The following ZNF75D variants were observed in gnomAD, a reference collection of about 807,000 sequenced individuals.
ZNF75D encodes the protein zinc finger protein 75.
A neutral mutation model predicts 33.3 loss-of-function variants in ZNF75D; 33 were observed. The ratio of observed to expected loss-of-function variants is 0.99; its 90% confidence interval spans 0.75 to 1.32. The LOEUF (loss-of-function observed/expected upper bound fraction) is 1.32, where lower values mean the gene tolerates loss of function less well. Ranked by LOEUF, ZNF75D falls within the 40% of genes most tolerant of loss-of-function variation. The probability of loss-of-function intolerance (pLI) is 0.00; values close to 1 mark genes in which losing one functional copy is unlikely to be tolerated. For missense variants in ZNF75D, 338 were observed against 367.5 expected (o/e 0.92, Z 0.66); for synonymous variants, 113 against 130.6 (o/e 0.87, Z 0.92).
chrX:135,256,671 A>G (rs1158337653), intron 1 of ZNF75D, among the ~76,000 whole-genome samples: 1 of 111,545 alleles, frequency 9.0e-6, no homozygotes, highest in Non-Finnish European at 1.9e-5. Flanking sequence ...TGACTAGCGG[A>G]GCCCTTGTGC....
intron 1 of ZNF75D, among the ~76,000 whole-genome samples, chrX:135,257,532 T>C (rs1358463703): frequency 8.8e-6 from 1 of 113,309 alleles, no homozygotes; most frequent in Admixed American, 9.2e-5. Flanking sequence ...GAAGGTATTT[T>C]ACTCTAATCC....
intron 1 of ZNF75D, among the ~76,000 whole-genome samples, chrX:135,299,730 C>A (rs1439961057): frequency 8.9e-6 from 1 of 112,417 alleles, no homozygotes; most frequent in East Asian, 2.8e-4. Flanking sequence ...TTCTTTTAGA[C>A]GTTTTATAAT....
At chrX:135,277,261 T>C (rs1432782587) in intron 1 of ZNF75D, among the ~76,000 whole-genome samples, 1 of 112,693 alleles carries the variant, frequency 8.9e-6, no homozygotes, top group Non-Finnish European at 1.9e-5. Flanking sequence ...TTTTTTTTAA[T>C]AGTTTGTTGG....
At chrX:135,308,066 C>G (rs1416874375) in intron 1 of ZNF75D, among the ~76,000 whole-genome samples, 1 of 112,325 alleles carries the variant, frequency 8.9e-6, no homozygotes, top group Non-Finnish European at 1.9e-5. Context: ...TAGATGGCAC[C>G]CAGCCACAAG....
intron 1 of ZNF75D, among the ~76,000 whole-genome samples, chrX:135,264,048 C>A (rs1372781106): frequency 8.9e-6 from 1 of 111,852 alleles, no homozygotes; most frequent in Non-Finnish European, 1.9e-5. Flanking sequence ...TTCATTTTCA[C>A]ACTGCTATAA....
At chrX:135,338,987 T>C (rs1556443621) in intron 1 of ZNF75D, among the ~76,000 whole-genome samples, 1 of 105,936 alleles carries the variant, frequency 9.4e-6, no homozygotes, top group East Asian at 3.0e-4. Flanking sequence ...TGTCCTCCTC[T>C]CCCTTCTCTC....
intron 1 of ZNF75D, among the ~76,000 whole-genome samples, chrX:135,299,356 G>A (rs1318010815): frequency 1.8e-5 from 2 of 111,804 alleles, no homozygotes; most frequent in Non-Finnish European, 3.8e-5. Context: ...ATCTCATTGT[G>A]CTTTGATTTG....
At chrX:135,274,941 T>C (rs2083894645) in intron 1 of ZNF75D, among the ~76,000 whole-genome samples, 1 of 111,847 alleles carries the variant, frequency 8.9e-6, no homozygotes, top group African/African-American at 3.2e-5. Flanking sequence ...ATAAGAACTC[T>C]AGGTAACACA....
At chrX:135,307,595 T>C (rs905957605) in intron 1 of ZNF75D, among the ~76,000 whole-genome samples, 1 of 111,506 alleles carries the variant, frequency 9.0e-6, no homozygotes, top group African/African-American at 3.3e-5. Context: ...TATGCATATG[T>C]CTCAACAAAC....
In ZNF75D at chrX:135,287,778, ATGT is replaced by A; in HGVS notation, c.889_891del (p.Thr297del). Reference sequence around the variant, plus strand: ...GTCTTTTTTGATACTTCGCATCCTGATGTTTGTATTTCTGATGTAGAAACAGAT... The same window carrying A: ...GTCTTTTTTGATACTTCGCATCCTGATTGTATTTCTGATGTAGAAACAGAT... On this transcript the variant is annotated inframe_deletion, in exon 7 of 7. Transcript: ENST00000370766. 2 of 1,210,187 alleles carry A rather than the reference ATGT, an allele frequency of 1.7e-6. No individual in the cohort carries two copies. The highest frequency in any genetic ancestry group is 2.2e-6 in the Non-Finnish European group (2 of 895,020).
intron 1 of ZNF75D, among the ~76,000 whole-genome samples, chrX:135,262,092 C>A (rs2083844907): frequency 8.9e-6 from 1 of 111,905 alleles, no homozygotes; most frequent in Non-Finnish European, 1.9e-5. Context: ...ATTGAAAATT[C>A]TTTTCTTTAG....
chrX:135,270,310 T>A (rs1213879801), intron 1 of ZNF75D, among the ~76,000 whole-genome samples: 1 of 98,748 alleles, frequency 1.0e-5, no homozygotes, highest in Non-Finnish European at 2.1e-5. Flanking sequence ...CAATTGTTCA[T>A]GATGTAATTA....
intron 1 of ZNF75D, among the ~76,000 whole-genome samples, chrX:135,296,249 C>T (rs1211809821): frequency 9.0e-6 from 1 of 111,382 alleles, no homozygotes; most frequent in Non-Finnish European, 1.9e-5. Flanking sequence ...AGTCTCTAGC[C>T]CTGCTGGAAG....
intron 1 of ZNF75D, among the ~76,000 whole-genome samples, chrX:135,306,652 T>G (rs1432884943): frequency 1.8e-5 from 2 of 112,095 alleles, no homozygotes; most frequent in African/African-American, 6.5e-5. Context: ...AGAGGAGAAT[T>G]GATGCCATTG....
chrX:135,323,967 C>T (rs782603761), intron 1 of ZNF75D, among the ~76,000 whole-genome samples: 3 of 105,730 alleles, frequency 2.8e-5, no homozygotes, highest in Non-Finnish European at 5.8e-5. Context: ...AAAGCATGCT[C>T]ACTGTACCAA....
chrX:135,344,105 G>A lies in ZNF75D; in HGVS notation c.-2728C>T, dbSNP rs2084818128. 8.9e-6 allele frequency: 1 copy of A among 112,184 alleles called. No homozygotes were observed. Among genetic ancestry groups the A allele is most frequent in the South Asian group, 3.7e-4 (1 of 2,735 alleles). The allele number at this position is 112,184 out of a possible 1,213,427, so 9.2% of individuals were successfully genotyped here. ...ATTGTATCAAGCGGCCATTGGATCA[G>A]GTCTAGCCACAATTCGCAGCTGACC... On this transcript the variant is annotated 5_prime_UTR_variant, in exon 1 of 7. Transcript: ENST00000370766.
downstream of ZNF75D, among the ~76,000 whole-genome samples, chrX:135,285,018 T>G (rs1181758089): frequency 1.8e-5 from 2 of 111,754 alleles, no homozygotes; most frequent in African/African-American, 6.5e-5. Flanking sequence ...TGCAGGAATT[T>G]GAATTTCCCA....
rs376578765 is a variant in ZNF75D, at chrX:135,332,602, T to C, written c.-391+9166A>G. Among the ~76,000 whole-genome samples the C allele has an allele frequency of 2.0e-4, 22 of 112,148 alleles. No individual in the cohort carries two copies. In the South Asian group the frequency reaches 7.8e-3, roughly 40 times the overall value. Reference sequence around the variant, plus strand: ...GGAGCAATAGACTTTCTTTTTATTATGTTACCCAGTTTATGGTGTTTTGTT... The same window carrying C: ...GGAGCAATAGACTTTCTTTTTATTACGTTACCCAGTTTATGGTGTTTTGTT... On this transcript the variant is annotated intron_variant, in intron 1 of 6. Coordinates refer to ENST00000370766, the MANE Select transcript of ZNF75D (RefSeq NM_007131.5).
intron 5 of ZNF75D, 92 bp downstream of exon 5, chrX:135,291,380 C>T: frequency 9.4e-7 from 1 of 1,068,030 alleles, no homozygotes; most frequent in African/African-American, 1.8e-5. Context: ...CCTCAAAGCA[C>T]CTGCTGGACA....
Sources: allele counts gnomAD v4.1 joint callset (sites outside exome capture counted in the v4.1 genomes callset), GRCh38; gene constraint gnomAD v4.1.1; transcripts MANE v1.5; gene names NCBI Gene and HGNC (gene_info 2026-07-23, HGNC 2026-07-21).